The following WWOX variants were observed in gnomAD, a reference collection of about 807,000 sequenced individuals.
The protein encoded by WWOX is WW domain containing oxidoreductase.
Under a neutral mutation model 46.2 loss-of-function variants are expected in WWOX, and 69 were observed. That is an observed-to-expected ratio of 1.49 (90% CI 1.23 to 1.82). The LOEUF (loss-of-function observed/expected upper bound fraction) is 1.82, where lower values mean the gene tolerates loss of function less well. Ranked by LOEUF, WWOX falls within the 40% of genes most tolerant of loss-of-function variation. WWOX has a pLI of 0.00. For synonymous variants in WWOX, 359 were observed against 202.6 expected, an observed-to-expected ratio of 1.77 and a Z score of -6.56; for missense variants, 919 against 542.6, an observed-to-expected ratio of 1.69 and a Z score of -6.89.
intron 8 of WWOX, among the ~76,000 whole-genome samples, chr16:78,713,507 G>A (rs1111227): frequency 0.64 from 96,645 of 151,800 alleles, 32,156 homozygotes; most frequent in African/African-American, 0.84. Flanking sequence ...TGGAGATACA[G>A]CCTTTTAAAG....
At chr16:78,854,212 G>A (rs1353305051) in intron 8 of WWOX, among the ~76,000 whole-genome samples, 1 of 151,934 alleles carries the variant, frequency 6.6e-6, no homozygotes, top group Non-Finnish European at 1.5e-5. Flanking sequence ...AACTACTCAG[G>A]TTGCTTATAA....
intron 5 of WWOX, among the ~76,000 whole-genome samples, chr16:78,235,553 C>A (rs781280389): frequency 6.6e-6 from 1 of 152,336 alleles, no homozygotes; most frequent in East Asian, 1.9e-4. Flanking sequence ...AGCTCTCTGT[C>A]TGCATCTTCA....
chr16:78,318,076 A>G (rs1452866294), intron 5 of WWOX, among the ~76,000 whole-genome samples: 2 of 152,054 alleles, frequency 1.3e-5, no homozygotes, highest in East Asian at 1.9e-4. Flanking sequence ...GGTTCTAACA[A>G]TATCCTTTTA....
chr16:79,196,629 C>G (rs776034743), intron 8 of WWOX: 25 of 152,234 alleles, frequency 1.6e-4, no homozygotes, highest in African/African-American at 4.8e-5. Context: ...TACCCAGTCT[C>G]CATTCCTTCT....
chr16:78,531,508 A>C lies in WWOX; in HGVS notation c.1056+98756A>C, dbSNP rs892800771. ...TTTGTATTTTGCTACCAGTTCTTTTAGTTTCTCTTACATGTATGAAGTTGG... is the reference window on the plus strand; with the variant it reads ...TTTGTATTTTGCTACCAGTTCTTTTCGTTTCTCTTACATGTATGAAGTTGG... On this transcript the variant is annotated intron_variant, in intron 8 of 8. Transcript: ENST00000566780. Among the ~76,000 whole-genome samples, 3 of 152,098 alleles carry C rather than the reference A, an allele frequency of 2.0e-5. No individual in the cohort carries two copies. In the East Asian group the frequency reaches 5.8e-4, roughly 29 times the overall value.
intron 8 of WWOX, among the ~76,000 whole-genome samples, chr16:78,806,144 T>C (rs1221617928): frequency 2.6e-5 from 4 of 152,234 alleles, no homozygotes; most frequent in African/African-American, 7.2e-5. Context: ...TTCTTTCAAA[T>C]GTTTCACTTA....
At chr16:78,988,991 A>C (rs377716011) in intron 8 of WWOX, among the ~76,000 whole-genome samples, 2 of 152,224 alleles carry the variant, frequency 1.3e-5, no homozygotes, top group African/African-American at 4.8e-5. Flanking sequence ...GTTCCTGTAC[A>C]ACCTGAGTTC....
At chr16:78,491,706 T>C (rs2084789283) in intron 8 of WWOX, among the ~76,000 whole-genome samples, 1 of 152,130 alleles carries the variant, frequency 6.6e-6, no homozygotes. Context: ...CCCATCAAAA[T>C]GGGAATCACT....
chr16:78,650,563 T>G (rs1271501222), intron 8 of WWOX, among the ~76,000 whole-genome samples: 7 of 152,170 alleles, frequency 4.6e-5, no homozygotes, highest in Non-Finnish European at 1.5e-5. Flanking sequence ...GCAAATGCAT[T>G]TTTCATGTAT....
rs527820389 is a variant in WWOX at position 78,580,510 on chromosome 16, A to G, written c.1056+147758A>G. ...TCCTGGCAGATGCCCAGAGGCATTT[A>G]TAAGCAGTCCCATCACGAACAAATT... is the stretch of plus-strand genomic sequence containing the variant. On this transcript the variant is annotated intron_variant, in intron 8 of 8. Coordinates refer to ENST00000566780, the MANE Select transcript of WWOX (RefSeq NM_016373.4). Among the ~76,000 whole-genome samples, 30 of 152,332 alleles carry G rather than the reference A, an allele frequency of 2.0e-4. No homozygotes were observed. In the South Asian group the frequency reaches 6.2e-3, roughly 32 times the overall value.
intron 8 of WWOX, among the ~76,000 whole-genome samples, chr16:78,463,060 T>G (rs1373407341): frequency 6.6e-6 from 1 of 152,226 alleles, no homozygotes; most frequent in Non-Finnish European, 1.5e-5. Context: ...TTTATTTGCC[T>G]TTGCTGAGGC....
chr16:79,165,080 C>T (rs1356711884), intron 8 of WWOX, among the ~76,000 whole-genome samples: 1 of 151,638 alleles, frequency 6.6e-6, no homozygotes, highest in Non-Finnish European at 1.5e-5. Context: ...ATCACTTATC[C>T]TACGTTCCAT....
intron 5 of WWOX, among the ~76,000 whole-genome samples, chr16:78,336,199 C>T (rs982172142): frequency 6.6e-6 from 1 of 151,916 alleles, no homozygotes; most frequent in Non-Finnish European, 1.5e-5. Context: ...ACAGGCCAGG[C>T]ATGGTGGCTC....
intron 5 of WWOX, among the ~76,000 whole-genome samples, chr16:78,258,520 C>T (rs934625517): frequency 6.6e-6 from 1 of 151,968 alleles, no homozygotes; most frequent in Non-Finnish European, 1.5e-5. Flanking sequence ...TGCCAGGGCT[C>T]TGCTTTAAAA....
intron 8 of WWOX, among the ~76,000 whole-genome samples, chr16:79,133,758 C>G (rs1459019471): frequency 6.6e-6 from 1 of 152,148 alleles, no homozygotes; most frequent in East Asian, 1.9e-4. Context: ...GGTGGCTGGT[C>G]AAACGTATTA....
At chr16:78,491,100 G>A (rs796829771) in intron 8 of WWOX, among the ~76,000 whole-genome samples, 44 of 152,210 alleles carry the variant, frequency 2.9e-4, no homozygotes, top group African/African-American at 8.7e-4. Context: ...CCCTCTCCCC[G>A]AGGCTGCCTG....
chr16:78,409,196 T>TA (rs1199984210), intron 6 of WWOX, among the ~76,000 whole-genome samples: 3 of 152,072 alleles, frequency 2.0e-5, no homozygotes, highest in Admixed American at 6.5e-5. Flanking sequence ...CCTATTGGTT[T>TA]AAAAAAAATT....
intron 4 of WWOX, among the ~76,000 whole-genome samples, chr16:78,126,662 A>G (rs749242086): frequency 6.6e-5 from 10 of 152,188 alleles, no homozygotes; most frequent in Non-Finnish European, 1.2e-4. Flanking sequence ...ATTCACAGAG[A>G]AAGAAATTGG....
chr16:78,412,918 C>G lies in WWOX; in HGVS notation c.606-11952C>G, dbSNP rs2082715693. ...CAAGTGAATGTCCTTTTTTCTCTTC[C>G]CAGCCCTTGTCTTTTTTACCCTCTT... On this transcript the variant is annotated intron_variant, in intron 6 of 8. Coordinates refer to ENST00000566780, the MANE Select transcript of WWOX (RefSeq NM_016373.4). Among the ~76,000 whole-genome samples, 3 of 152,196 alleles carry G rather than the reference C, an allele frequency of 2.0e-5. No homozygotes were observed. The South Asian group carries it at 6.2e-4, about 32-fold the overall frequency.
Sources: gnomAD v4.1 joint callset for allele counts (sites outside exome capture counted in the v4.1 genomes callset) on GRCh38, gnomAD v4.1.1 for gene constraint, MANE v1.5 for transcripts, NCBI Gene and HGNC (gene_info 2026-07-23, HGNC 2026-07-21) for gene names.